CNST: variants seen among roughly 807,000 people sequenced by gnomAD.
CNST encodes consortin, connexin sorting protein.
Under a neutral mutation model 72.4 loss-of-function variants are expected in CNST, and 39 were observed. That is an observed-to-expected ratio of 0.54 (90% CI 0.42 to 0.70). The LOEUF (loss-of-function observed/expected upper bound fraction) is 0.70, where lower values mean the gene tolerates loss of function less well. CNST is among the 30% of genes least tolerant of loss of function. The pLI is 0.00. For missense variants in CNST, 871 were observed against 868.5 expected (o/e 1.00, Z -0.04); for synonymous variants, 332 against 320.1 (o/e 1.04, Z -0.40).
chr1:246,621,851 C>T (rs1391315147), intron 3 of CNST, among the ~76,000 whole-genome samples: 5 of 152,140 alleles, frequency 3.3e-5, no homozygotes, highest in East Asian at 1.9e-4. Context: ...AAAAATTAGC[C>T]GGGCATGGTG....
intron 2 of CNST, among the ~76,000 whole-genome samples, chr1:246,603,755 G>A (rs1233410288): frequency 6.6e-6 from 1 of 152,204 alleles, no homozygotes; most frequent in African/African-American, 2.4e-5. Flanking sequence ...AGATGAGTTG[G>A]CTGCCTAGAG....
intron 2 of CNST, chr1:246,605,818 C>CGGCCGGGGTGCGTGTCTTCCGGCCGGGGT (rs1427921731): frequency 8.1e-6 from 1 of 122,716 alleles, no homozygotes; most frequent in African/African-American, 2.9e-5. Flanking sequence ...GCGTGTCTTC[C>CGGCCGGGGTGCGTGTCTTCCGGCCGGGGT]AGCCGGGGTA....
intron 2 of CNST, among the ~76,000 whole-genome samples, chr1:246,609,798 G>A (rs774406237): frequency 1.1e-4 from 16 of 152,274 alleles, no homozygotes; most frequent in African/African-American, 2.9e-4. Flanking sequence ...TGAGGAATTC[G>A]GTTATGCAAT....
At chr1:246,610,748 G>A (rs1663261509) in intron 2 of CNST, among the ~76,000 whole-genome samples, 1 of 152,004 alleles carries the variant, frequency 6.6e-6, no homozygotes, top group Non-Finnish European at 1.5e-5. Flanking sequence ...ACTTCTGCTT[G>A]CACTAAGTTG....
intron 2 of CNST, 92 bp downstream of exon 2, chr1:246,592,033 C>A: frequency 2.0e-6 from 2 of 1,016,110 alleles, no homozygotes; most frequent in Non-Finnish European, 2.8e-6. Context: ...CTGCACCTTG[C>A]TTCTTTGCTT....
chr1:246,578,658 G>A (rs12044189), intron 1 of CNST, among the ~76,000 whole-genome samples: 1 of 151,010 alleles, frequency 6.6e-6, no homozygotes, highest in Non-Finnish European at 1.5e-5. Context: ...GCAACAGAGA[G>A]ACTCCGTTTC....
Position 246,642,133 on chromosome 1 carries a change from GTTTTTT to G in CNST, c.937+112_937+117del, listed in dbSNP as rs74163469. The stretch of plus-strand genomic sequence containing the variant: ...CATCTGAATTGCTGCAAAGGATCTG[GTTTTTT>G]TTTTTTTTTTTTTTTGCACTTACAT... On this transcript the variant is annotated intron_variant, in intron 8 of 10. Coordinates refer to ENST00000366513, the MANE Select transcript of CNST (RefSeq NM_152609.3). The G allele has an allele frequency of 9.1e-4, 171 of 187,562 alleles. 2 individuals carry two copies. The highest frequency in any genetic ancestry group is 1.4e-3 in the Non-Finnish European group (149 of 108,162). The allele number at this position is 187,562 out of a possible 1,614,324, so 11.6% of individuals were successfully genotyped here. A position where few individuals can be genotyped will look rare whatever the true frequency, so the allele number is the denominator to read the frequency against.
rs150340093 is a variant in CNST at position 246,577,816 on chromosome 1, C to T, written c.-52+11153C>T. The stretch of plus-strand genomic sequence containing the variant: ...TAGAAAAGAACTAAAACAGTCTGTG[C>T]ATGGTGGCTCACACCTATCATTTCT... On this transcript the variant is annotated intron_variant, in intron 1 of 10. Transcript: ENST00000366513. 3.0e-4 allele frequency among the ~76,000 whole-genome samples: 45 copies of T among 152,178 alleles called. No individual in the cohort carries two copies. In the East Asian group the frequency reaches 8.5e-3, roughly 29 times the overall value.
At chr1:246,576,672 T>G (rs1334907011) in intron 1 of CNST, among the ~76,000 whole-genome samples, 1 of 151,768 alleles carries the variant, frequency 6.6e-6, no homozygotes, top group Non-Finnish European at 1.5e-5. Flanking sequence ...TTTTGTATTT[T>G]TAATAGAGAC....
At chr1:246,629,691 A>C (rs188960543) in intron 3 of CNST, among the ~76,000 whole-genome samples, 4 of 152,320 alleles carry the variant, frequency 2.6e-5, no homozygotes, top group Non-Finnish European at 5.9e-5. Flanking sequence ...AAACTGTGCA[A>C]TACCATAGAT....
At chr1:246,654,682 G>A (rs1666676672) in intron 9 of CNST, among the ~76,000 whole-genome samples, 1 of 152,170 alleles carries the variant, frequency 6.6e-6, no homozygotes, top group Non-Finnish European at 1.5e-5. Flanking sequence ...ACTATACACA[G>A]TAAGGCTTTT....
At chr1:246,663,327 C>A (rs1667212886) in intron 10 of CNST, among the ~76,000 whole-genome samples, 2 of 146,372 alleles carry the variant, frequency 1.4e-5, no homozygotes, top group African/African-American at 2.6e-5. Context: ...CAGAGCACAA[C>A]CCTATGTCTA....
intron 1 of CNST, among the ~76,000 whole-genome samples, chr1:246,586,111 A>ATATGTGTGTG (rs777928408): frequency 2.1e-4 from 22 of 102,696 alleles, no homozygotes; most frequent in African/African-American, 8.4e-4. Flanking sequence ...ATATATATAT[A>ATATGTGTGTG]TGTGTGTGTG....
intron 2 of CNST, among the ~76,000 whole-genome samples, chr1:246,618,402 G>A (rs1663835771): frequency 6.6e-6 from 1 of 152,188 alleles, no homozygotes; most frequent in African/African-American, 2.4e-5. Context: ...TTATCTCAAG[G>A]TAAGATGGTT....
intron 1 of CNST, among the ~76,000 whole-genome samples, chr1:246,586,669 G>C (rs918301563): frequency 1.3e-5 from 2 of 152,016 alleles, no homozygotes; most frequent in African/African-American, 4.8e-5. Flanking sequence ...TTCTAATGGG[G>C]CGGTTATATA....
At chr1:246,643,928 A>T (rs1237674103) in intron 8 of CNST, among the ~76,000 whole-genome samples, 2 of 152,198 alleles carry the variant, frequency 1.3e-5, no homozygotes, top group Non-Finnish European at 2.9e-5. Context: ...TGTAAATAAT[A>T]CATTGTACCC....
At chr1:246,578,430 T>C (rs2103008435) in intron 1 of CNST, among the ~76,000 whole-genome samples, 1 of 152,148 alleles carries the variant, frequency 6.6e-6, no homozygotes, top group Middle Eastern at 3.4e-3. Context: ...CCCAGCACTT[T>C]GGGAGGCTGA....
intron 9 of CNST, among the ~76,000 whole-genome samples, chr1:246,654,566 A>G (rs564981877): frequency 6.6e-6 from 1 of 152,236 alleles, no homozygotes; most frequent in Admixed American, 6.5e-5. Context: ...AGACGCACAC[A>G]TACTGTCTTC....
intron 1 of CNST, among the ~76,000 whole-genome samples, chr1:246,574,906 T>G (rs1400642327): frequency 1.3e-5 from 2 of 152,006 alleles, no homozygotes; most frequent in Non-Finnish European, 1.5e-5. Context: ...CAAAAATAAT[T>G]TAATAGATTA....
Sources: allele counts gnomAD v4.1 joint callset (sites outside exome capture counted in the v4.1 genomes callset), GRCh38; gene constraint gnomAD v4.1.1; transcripts MANE v1.5; gene names NCBI Gene and HGNC (gene_info 2026-07-23, HGNC 2026-07-21).